The following L2HGDH variants were observed in gnomAD, a reference collection of about 807,000 sequenced individuals.
L2HGDH encodes L-2-hydroxyglutarate dehydrogenase, mitochondrial.
Under a neutral mutation model 51.5 loss-of-function variants are expected in L2HGDH, and 34 were observed. The ratio of observed to expected loss-of-function variants is 0.66; its 90% confidence interval spans 0.50 to 0.88. The LOEUF (loss-of-function observed/expected upper bound fraction) is 0.88. Ranked by LOEUF, L2HGDH falls within the 40% of genes least tolerant of loss-of-function variation. The pLI, the probability that L2HGDH is intolerant of heterozygous loss-of-function variation, is 0.00. For missense variants in L2HGDH, 558 were observed against 571.9 expected, an observed-to-expected ratio of 0.98 and a Z score of 0.25; for synonymous variants, 198 against 197.9, an observed-to-expected ratio of 1.00 and a Z score of -0.01.
chr14:50,312,110 C>A lies in L2HGDH; in HGVS notation c.41G>T (p.Arg14Leu), dbSNP rs776223095. ...ALRYLVGACG[R>L]ARGLFAGGSP... is the part of the protein sequence containing the mutation. The stretch of plus-strand genomic sequence containing the variant: ...GCCACCGGCGAAAAGCCCGCGGGCC[C>A]GTCCGCAGGCACCAACCAAATAACG... The change falls in exon 1 of 10, where the codon CGG (arginine) becomes CTG (leucine). Residue 14 changes from arginine to leucine, a missense_variant. Coordinates refer to ENST00000267436, the MANE Select transcript of L2HGDH (RefSeq NM_024884.3). The A allele has an allele frequency of 3.1e-6, 5 of 1,609,250 alleles. No individual in the cohort carries two copies. Among genetic ancestry groups the A allele is most frequent in the Non-Finnish European group, 4.2e-6 (5 of 1,178,554 alleles).
chr14:50,243,214 G>C lies in L2HGDH; in HGVS notation c.*3844C>G. 2.0e-6 allele frequency: 2 copies of C among 985,326 alleles called. No individual in the cohort carries two copies. The highest frequency in any genetic ancestry group is 2.4e-6 in the Non-Finnish European group (2 of 829,878). 61.0% of individuals were successfully genotyped at this position (985,326 alleles called of 1,614,324 possible). A position where few individuals can be genotyped will look rare whatever the true frequency, so the allele number is the denominator to read the frequency against. ...TGTATGGATAAAAGAGTTAAGCTAC[G>C]TAACATGAAACACCAAAAATATACT... On this transcript the variant is annotated 3_prime_UTR_variant, in exon 10 of 10. Coordinates refer to ENST00000267436, the MANE Select transcript of L2HGDH (RefSeq NM_024884.3).
At chr14:50,251,184 A>T (rs1218444805) in intron 9 of L2HGDH, among the ~76,000 whole-genome samples, 1 of 152,220 alleles carries the variant, frequency 6.6e-6, no homozygotes, top group Non-Finnish European at 1.5e-5. Context: ...GAAATAATTA[A>T]AAAGAATTAA....
chr14:50,266,999 T>C (rs1358699458), intron 8 of L2HGDH, among the ~76,000 whole-genome samples: 1 of 152,164 alleles, frequency 6.6e-6, no homozygotes, highest in Non-Finnish European at 1.5e-5. Flanking sequence ...TGATGGAGAC[T>C]GGCTCAAAAT....
chr14:50,301,641 T>C (rs1329882271), intron 3 of L2HGDH, among the ~76,000 whole-genome samples: 1 of 152,154 alleles, frequency 6.6e-6, no homozygotes, highest in African/African-American at 2.4e-5. Flanking sequence ...ACAGAAAGTA[T>C]ACTAGTGGTT....
chr14:50,277,773 A>G (rs1213622614), intron 6 of L2HGDH, among the ~76,000 whole-genome samples: 1 of 91,218 alleles, frequency 1.1e-5, no homozygotes, highest in Admixed American at 1.4e-4. Flanking sequence ...ACTCCGTCTC[A>G]AAATAATAAT....
chr14:50,247,076 T>C lies in L2HGDH; in HGVS notation c.1374A>G (p.Gln458=). Residue 458 remains glutamine, a synonymous_variant, in exon 10 of 10, where the codon CAA becomes CAG. Coordinates refer to ENST00000267436, the MANE Select transcript of L2HGDH (RefSeq NM_024884.3). ...AISGMIADEV[Q]QRFEL ...TCATTATTTATAATTCAAATCTTTG[T>C]TGTACTTCATCTGCAATCATTCCAG... The C allele has an allele frequency of 1.2e-6, 2 of 1,613,728 alleles. No homozygotes were observed. The highest frequency in any genetic ancestry group is 1.7e-6 in the Non-Finnish European group (2 of 1,179,702).
chr14:50,311,316 T>A (rs1304854200), intron 1 of L2HGDH: 1 of 455,904 alleles, frequency 2.2e-6, no homozygotes, highest in African/African-American at 2.0e-5. Flanking sequence ...TCCTTCTGGG[T>A]CATTCCACAC....
In L2HGDH at chr14:50,267,777, T is replaced by C; in HGVS notation, c.1040A>G (p.Asp347Gly). 1.9e-6 allele frequency: 3 copies of C among 1,612,262 alleles called. No homozygotes were observed. The highest frequency in any genetic ancestry group is 2.5e-6 in the Non-Finnish European group (3 of 1,178,320). The change falls in exon 8 of 10, where the codon GAT becomes GGT. Residue 347 changes from aspartate (D) to glycine (G), a missense_variant. This residue lies in a region of L2HGDH where 321 missense variants were observed against 311.8 expected (regional missense o/e 1.03). Transcript: ENST00000267436. ...CCTATTGATAATTATATCCATAACA[T>C]CTGTGGCACTGAAGTCAAAGGGTCT... ...GYRPFDFSAT[D>G]VMDIIINSGL... is the part of the protein sequence containing the mutation.
At chr14:50,260,323 A>G (rs936100981) in intron 9 of L2HGDH, among the ~76,000 whole-genome samples, 2 of 152,198 alleles carry the variant, frequency 1.3e-5, no homozygotes, top group Admixed American at 1.3e-4. Flanking sequence ...TATAGACCCA[A>G]GATTTCTTTT....
At chr14:50,305,899 A>C (rs1462551828) in intron 1 of L2HGDH, among the ~76,000 whole-genome samples, 3 of 152,216 alleles carry the variant, frequency 2.0e-5, no homozygotes, top group Admixed American at 2.0e-4. Context: ...CTTATACTAC[A>C]TAGTACCATG....
chr14:50,307,215 T>C (rs560145296), intron 1 of L2HGDH, among the ~76,000 whole-genome samples: 59 of 152,342 alleles, frequency 3.9e-4, no homozygotes, highest in Middle Eastern at 3.4e-3. Context: ...CAAGATATTG[T>C]CTTTGCAGAT....
chr14:50,294,766 T>C (rs1290276945), intron 3 of L2HGDH, among the ~76,000 whole-genome samples: 3 of 152,246 alleles, frequency 2.0e-5, no homozygotes, highest in Non-Finnish European at 2.9e-5. Flanking sequence ...AACATTCTGT[T>C]GCAGGGGGAA....
At position 50,267,913 on chromosome 14, in the gene L2HGDH, A is replaced by G. The variant is rs1346952714; in HGVS notation, c.907-3T>C. 6.2e-7 allele frequency: 1 copy of G among 1,613,582 alleles called. No homozygotes were observed. Among genetic ancestry groups the G allele is most frequent in the Non-Finnish European group, 8.5e-7 (1 of 1,179,464 alleles). ...AAAGGAAACCGGCTATCTGGGACCTATAAATTTAACATAGTAAATAACAGC... is the reference window on the plus strand; with the variant it reads ...AAAGGAAACCGGCTATCTGGGACCTGTAAATTTAACATAGTAAATAACAGC... On this transcript the variant is annotated splice_region_variant and splice_polypyrimidine_tract_variant and intron_variant, in intron 7 of 9. Coordinates refer to ENST00000267436, the MANE Select transcript of L2HGDH (RefSeq NM_024884.3).
At chr14:50,309,684 C>T (rs2030947640) in intron 1 of L2HGDH, among the ~76,000 whole-genome samples, 1 of 130,692 alleles carries the variant, frequency 7.7e-6, no homozygotes. Flanking sequence ...ATTTTTATAC[C>T]ACCCTTTTTT....
chr14:50,285,017 G>C (rs1260410081), intron 4 of L2HGDH, among the ~76,000 whole-genome samples: 1 of 152,212 alleles, frequency 6.6e-6, no homozygotes, highest in East Asian at 1.9e-4. Context: ...GGAGGCTGAG[G>C]CAGGCGGATC....
intron 5 of L2HGDH, 77 bp downstream of exon 5, chr14:50,283,794 T>G: frequency 8.2e-7 from 1 of 1,216,212 alleles, no homozygotes. Context: ...CATCCTCAGT[T>G]GGTTAAAACC....
intron 1 of L2HGDH, among the ~76,000 whole-genome samples, chr14:50,307,804 A>G (rs1158519784): frequency 2.0e-5 from 3 of 152,296 alleles, no homozygotes; most frequent in East Asian, 1.9e-4. Context: ...AAAAACACAC[A>G]CTACCATTAT....
Position 50,242,496 on chromosome 14 carries a change from ACAT to A in L2HGDH, c.*4559_*4561del. On this transcript the variant is annotated 3_prime_UTR_variant, in exon 10 of 10. Transcript: ENST00000267436. ...AAGCAGAAAATACAAGCAATTAACA[ACAT>A]CAACAACAACAACAAACCCACAATA... 1.0e-6 allele frequency: 1 copy of A among 981,946 alleles called. No homozygotes were observed. The highest frequency in any genetic ancestry group is 4.7e-5 in the South Asian group (1 of 21,210). The allele number at this position is 981,946 out of a possible 1,614,324, so 60.8% of individuals were successfully genotyped here.
chr14:50,278,158 C>T (rs958115509), intron 6 of L2HGDH, among the ~76,000 whole-genome samples: 2 of 152,212 alleles, frequency 1.3e-5, no homozygotes, highest in African/African-American at 4.8e-5. Context: ...TGAATAAAAG[C>T]AGTCCATCTC....
Sources: gnomAD v4.1 joint callset for allele counts (sites outside exome capture counted in the v4.1 genomes callset) on GRCh38, gnomAD v4.1.1 for gene constraint, gnomAD v4.1.1 regional missense constraint, MANE v1.5 for transcripts, NCBI Gene and HGNC (gene_info 2026-07-23, HGNC 2026-07-21) for gene names.